ANKRD55: variants seen among roughly 807,000 people sequenced by gnomAD.
ANKRD55 encodes the protein ankyrin repeat domain 55.
In ANKRD55, 41 loss-of-function variants were observed where a neutral mutation model predicts 60.6. The observed-to-expected ratio is 0.68, with a 90% CI of 0.53 to 0.88. The LOEUF is 0.88. Among genes scored for constraint, ANKRD55 ranks in the 40% least tolerant of loss-of-function variants. The probability of loss-of-function intolerance (pLI) is 0.00; values close to 1 mark genes in which losing one functional copy is unlikely to be tolerated. For synonymous variants in ANKRD55, 264 were observed against 290.3 expected (o/e 0.91, Z 0.92); for missense variants, 732 against 767.6 (o/e 0.95, Z 0.55).
chr5:56,195,203 G>C (rs1759201892), intron 2 of ANKRD55, among the ~76,000 whole-genome samples: 1 of 152,178 alleles, frequency 6.6e-6, no homozygotes, highest in African/African-American at 2.4e-5. Context: ...ATTCAAGGCT[G>C]TCATCAAAAA....
chr5:56,231,675 ACACACACACAC>A (rs1190372217), intron 2 of ANKRD55, among the ~76,000 whole-genome samples: 1 of 151,084 alleles, frequency 6.6e-6, no homozygotes, highest in East Asian at 1.9e-4. Flanking sequence ...ACACACACAC[ACACACACACAC>A]ACACACACAC....
At chr5:56,211,108 C>T (rs1759661918) in intron 2 of ANKRD55, among the ~76,000 whole-genome samples, 1 of 152,090 alleles carries the variant, frequency 6.6e-6, no homozygotes, top group Non-Finnish European at 1.5e-5. Context: ...TGGTAGGTCC[C>T]CAGTCAAAGT....
intron 6 of ANKRD55, among the ~76,000 whole-genome samples, chr5:56,155,471 T>C (rs143282765): frequency 6.6e-6 from 1 of 152,322 alleles, no homozygotes; most frequent in East Asian, 1.9e-4. Flanking sequence ...ATTATTATGC[T>C]AAGTAAAACT....
intron 2 of ANKRD55, among the ~76,000 whole-genome samples, chr5:56,230,243 T>A (rs557863581): frequency 3.4e-4 from 51 of 152,234 alleles, no homozygotes; most frequent in South Asian, 6.2e-4. Context: ...TACAGGCGTG[T>A]GTCACCATGC....
intron 9 of ANKRD55, among the ~76,000 whole-genome samples, chr5:56,112,861 C>T (rs868841928): frequency 6.6e-6 from 1 of 152,152 alleles, no homozygotes; most frequent in Non-Finnish European, 1.5e-5. Flanking sequence ...AAAAACATCA[C>T]CACTTATTTT....
At chr5:56,122,256 G>A (rs528980177) in intron 8 of ANKRD55, among the ~76,000 whole-genome samples, 2 of 152,324 alleles carry the variant, frequency 1.3e-5, no homozygotes, top group South Asian at 4.1e-4. Flanking sequence ...TTGAGAGCTT[G>A]GAGGTGGCCT....
At chr5:56,126,204 T>C (rs1379423201) in intron 8 of ANKRD55, among the ~76,000 whole-genome samples, 2 of 152,156 alleles carry the variant, frequency 1.3e-5, no homozygotes, top group Non-Finnish European at 2.9e-5. Flanking sequence ...TGCACTTCAA[T>C]ACAAGAGGAT....
intron 6 of ANKRD55, among the ~76,000 whole-genome samples, chr5:56,150,360 A>G (rs1758009956): frequency 6.6e-6 from 1 of 152,130 alleles, no homozygotes; most frequent in Non-Finnish European, 1.5e-5. Flanking sequence ...GCATTAATAA[A>G]CAACCTTATA....
At chr5:56,202,530 G>C (rs775891358) in intron 2 of ANKRD55, among the ~76,000 whole-genome samples, 62 of 152,162 alleles carry the variant, frequency 4.1e-4, no homozygotes, top group African/African-American at 1.5e-3. Context: ...GTTTTAGAAA[G>C]TGTCAGTCAT....
chr5:56,110,050 C>CA (rs61381724), intron 10 of ANKRD55, among the ~76,000 whole-genome samples: 346 of 144,356 alleles, frequency 2.4e-3, no homozygotes, highest in African/African-American at 6.1e-3. Flanking sequence ...GACTCCGTCT[C>CA]AAAAAAAAAA....
intron 2 of ANKRD55, among the ~76,000 whole-genome samples, chr5:56,225,220 C>T (rs1760078434): frequency 6.6e-6 from 1 of 152,062 alleles, no homozygotes. Flanking sequence ...TAAACAGAAC[C>T]AAAGACAAAA....
At chr5:56,114,789 G>C (rs1271598378) in intron 9 of ANKRD55, among the ~76,000 whole-genome samples, 1 of 152,170 alleles carries the variant, frequency 6.6e-6, no homozygotes, top group Non-Finnish European at 1.5e-5. Context: ...TCGTATCAAA[G>C]AAAAATACAC....
intron 5 of ANKRD55, among the ~76,000 whole-genome samples, chr5:56,162,703 T>A (rs1758362802): frequency 6.7e-6 from 1 of 149,112 alleles, no homozygotes; most frequent in Non-Finnish European, 1.5e-5. Context: ...AAGCTCTCAC[T>A]CTGTCACCCA....
At chr5:56,189,310 C>CAA (rs201026805) in intron 2 of ANKRD55, among the ~76,000 whole-genome samples, 19,672 of 89,312 alleles carry the variant, frequency 0.22, 1,862 homozygotes, top group East Asian at 0.42. Flanking sequence ...GACTCTGTCT[C>CAA]AAAAAAAAAA....
At chr5:56,211,956 A>C (rs76099822) in intron 2 of ANKRD55, among the ~76,000 whole-genome samples, 8,368 of 152,168 alleles carry the variant, frequency 0.055, 804 homozygotes, top group African/African-American at 0.19. Context: ...ATAAATATCA[A>C]ATGGCCAAGG....
intron 4 of ANKRD55, among the ~76,000 whole-genome samples, chr5:56,173,110 T>G (rs1299142730): frequency 6.6e-6 from 1 of 152,226 alleles, no homozygotes; most frequent in East Asian, 1.9e-4. Context: ...GTAACATTTC[T>G]CCTTCTAATA....
intron 2 of ANKRD55, among the ~76,000 whole-genome samples, chr5:56,185,768 G>A (rs538562701): frequency 1.3e-5 from 2 of 152,162 alleles, no homozygotes; most frequent in South Asian, 2.1e-4. Flanking sequence ...TTTTCAGTTC[G>A]AATTGATCTT....
intron 5 of ANKRD55, chr5:56,162,121 C>T: frequency 1.3e-6 from 1 of 779,696 alleles, no homozygotes; most frequent in Non-Finnish European, 1.6e-6. Flanking sequence ...AGCTGTGGTC[C>T]AGTGTGGTTA....
chr5:56,225,189 C>A (rs902101752), intron 2 of ANKRD55, among the ~76,000 whole-genome samples: 2 of 152,130 alleles, frequency 1.3e-5, no homozygotes, highest in Admixed American at 6.5e-5. Flanking sequence ...ATACACAAAT[C>A]AATAAACGTA....
Sources: allele counts gnomAD v4.1 joint callset (sites outside exome capture counted in the v4.1 genomes callset), GRCh38; gene constraint gnomAD v4.1.1; transcripts MANE v1.5; gene names NCBI Gene and HGNC (gene_info 2026-07-23, HGNC 2026-07-21).